NRL: variants seen among roughly 807,000 people sequenced by gnomAD.
The protein encoded by NRL is neural retina leucine zipper, also known as neural retina-specific leucine zipper protein.
A neutral mutation model predicts 12.5 loss-of-function variants in NRL; 16 were observed. The observed-to-expected ratio is 1.28, with a 90% CI of 0.87 to 1.95. The LOEUF (loss-of-function observed/expected upper bound fraction) is 1.95, where lower values mean the gene tolerates loss of function less well. Among genes scored for constraint, NRL ranks in the 30% most tolerant of loss-of-function variants. The probability of loss-of-function intolerance (pLI) is 0.00; values close to 1 mark genes in which losing one functional copy is unlikely to be tolerated. For synonymous variants in NRL, 142 were observed against 150.9 expected, an observed-to-expected ratio of 0.94 and a Z score of 0.43; for missense variants, 314 against 325.8, an observed-to-expected ratio of 0.96 and a Z score of 0.28.
At chr14:24,096,115 T>C (rs2036865789) in intron 1 of NRL, among the ~76,000 whole-genome samples, 1 of 151,586 alleles carries the variant, frequency 6.6e-6, no homozygotes, top group South Asian at 2.1e-4. Context: ...TATAAAAAAC[T>C]ATACTTGAAA....
chr14:24,110,652 T>C (rs2037405247), intron 1 of NRL: 1 of 152,486 alleles, frequency 6.6e-6, no homozygotes. Context: ...CCATAATTTA[T>C]TTAACAATCC....
At chr14:24,098,531 C>G in intron 1 of NRL, 5 of 1,614,168 alleles carry the variant, frequency 3.1e-6, no homozygotes, top group Non-Finnish European at 4.2e-6. Context: ...CCCGCTGTCC[C>G]GCATCGGGGT....
rs371253087 is a variant in NRL at position 24,078,863 on chromosome 14, C to T, written c.*2373G>A. Among the ~76,000 whole-genome samples, 15 of 152,206 alleles carry T rather than the reference C, an allele frequency of 9.9e-5. No homozygotes were observed. Among genetic ancestry groups the T allele is most frequent in the African/African-American group, 2.9e-4 (12 of 41,430 alleles). On this transcript the variant is annotated 3_prime_UTR_variant, in exon 3 of 3. Coordinates refer to ENST00000561028, the MANE Select transcript of NRL (RefSeq NM_001354768.3). Reference sequence around the variant, plus strand: ...CCACCCAGGCTGGAATGCAGTGGCACGATTATGGCTCACTGCATCCCCGAA... The same window carrying T: ...CCACCCAGGCTGGAATGCAGTGGCATGATTATGGCTCACTGCATCCCCGAA...
At chr14:24,095,239 A>G in intron 1 of NRL, 1 of 455,808 alleles carries the variant, frequency 2.2e-6, no homozygotes, top group South Asian at 1.5e-5. Flanking sequence ...CGTCCCACTT[A>G]GAGGGCTGCA....
At chr14:24,098,962 C>T (rs1196380247) in intron 1 of NRL, 1 of 1,048,040 alleles carries the variant, frequency 9.5e-7, no homozygotes, top group Non-Finnish European at 1.4e-6. Context: ...TCCCAAGTGT[C>T]TCTCCTGCCA....
intron 1 of NRL, among the ~76,000 whole-genome samples, chr14:24,086,369 G>T (rs2036466099): frequency 6.6e-6 from 1 of 152,184 alleles, no homozygotes; most frequent in Admixed American, 6.5e-5. Context: ...GGAAAACCTA[G>T]ATCAGATGAC....
Position 24,094,464 on chromosome 14 carries a change from G to T in NRL, c.-27-11589C>A. 6.6e-7 allele frequency: 1 copy of T among 1,511,336 alleles called. No individual in the cohort carries two copies. Among genetic ancestry groups the T allele is most frequent in the Non-Finnish European group, 8.8e-7 (1 of 1,137,056 alleles). The allele number at this position is 1,511,336 out of a possible 1,614,324, so 93.6% of individuals were successfully genotyped here. Reference sequence around the variant, plus strand: ...GTGACCCCCGGCCCGGGGCCCACCCGCACCTTCCGCTGCGCTCGCCCCCTC... The same window carrying T: ...GTGACCCCCGGCCCGGGGCCCACCCTCACCTTCCGCTGCGCTCGCCCCCTC... On this transcript the variant is annotated intron_variant, in intron 1 of 2. Coordinates refer to ENST00000561028, the MANE Select transcript of NRL (RefSeq NM_001354768.3). The surrounding 1 kb of genome is among the most constrained non-coding windows in gnomAD (Gnocchi z 4.1).
rs921440575 is a variant in NRL, at chr14:24,094,326, G to C, written c.-27-11451C>G. The C allele has an allele frequency of 4.9e-5, 69 of 1,395,528 alleles. No homozygotes were observed. The highest frequency in any genetic ancestry group is 2.6e-5 in the East Asian group (1 of 37,856). The allele number at this position is 1,395,528 out of a possible 1,614,324, so 86.4% of individuals were successfully genotyped here. On this transcript the variant is annotated intron_variant, in intron 1 of 2. Transcript: ENST00000561028. The surrounding 1 kb of genome is among the most constrained non-coding windows in gnomAD (Gnocchi z 4.1). ...AGCCTCTGCTGTGGCTCGCTTCGCC[G>C]CGCTCCCTCCTTCCCCGCCTTCCAT...
At chr14:24,108,210 A>G (rs1410966388) in intron 1 of NRL, among the ~76,000 whole-genome samples, 1 of 152,210 alleles carries the variant, frequency 6.6e-6, no homozygotes, top group Non-Finnish European at 1.5e-5. Context: ...TGGCGTTTTA[A>G]GACCACAATC....
At chr14:24,114,276 A>G (rs533290455) in intron 1 of NRL, 1 of 152,412 alleles carries the variant, frequency 6.6e-6, no homozygotes, top group East Asian at 1.9e-4. Context: ...CAGACCGGAT[A>G]AAGGGAGGTC....
rs762062158 is a variant in NRL at position 24,082,550 on chromosome 14, TGCA to T, written c.296_298del (p.Leu99del). On this transcript the variant is annotated inframe_deletion, in exon 2 of 3. Coordinates refer to ENST00000561028, the MANE Select transcript of NRL (RefSeq NM_001354768.3). ...ATCAACAGGGACTGGGCCCTGACCC[TGCA>T]GCAGCTCCATGGCCTCTTCAGGACT... 3 of 1,613,526 alleles carry T rather than the reference TGCA, an allele frequency of 1.9e-6. No individual in the cohort carries two copies. Among genetic ancestry groups the T allele is most frequent in the Non-Finnish European group, 2.5e-6 (3 of 1,180,018 alleles).
intron 1 of NRL, among the ~76,000 whole-genome samples, chr14:24,111,555 C>G (rs965163228): frequency 4.6e-5 from 7 of 150,812 alleles, no homozygotes; most frequent in Non-Finnish European, 5.9e-5. Context: ...TTTTTAGTGA[C>G]GGGGTTTCAC....
At chr14:24,106,429 G>C (rs2037339566) in intron 1 of NRL, among the ~76,000 whole-genome samples, 1 of 152,200 alleles carries the variant, frequency 6.6e-6, no homozygotes, top group Non-Finnish European at 1.5e-5. Context: ...TAGCAGTGGA[G>C]TATATTGTAC....
intron 1 of NRL, chr14:24,097,238 C>A: frequency 9.0e-7 from 1 of 1,107,830 alleles, no homozygotes; most frequent in Non-Finnish European, 1.3e-6. Flanking sequence ...ATGGAATGAA[C>A]AAGAATGAGA....
At chr14:24,089,599 G>A (rs542851119) in intron 1 of NRL, among the ~76,000 whole-genome samples, 4 of 152,212 alleles carry the variant, frequency 2.6e-5, no homozygotes, top group African/African-American at 4.8e-5. Context: ...TACTCCTGCC[G>A]CAGGTCCTAC....
chr14:24,100,508 T>C, intron 1 of NRL: 2 of 818,574 alleles, frequency 2.4e-6, no homozygotes, highest in African/African-American at 1.7e-5. Flanking sequence ...GATTAAATAG[T>C]GCATAAAAAG....
At chr14:24,102,949 A>ACCTC in intron 1 of NRL, 1 of 1,517,956 alleles carries the variant, frequency 6.6e-7, no homozygotes, top group East Asian at 2.3e-5. Flanking sequence ...ATTAGGGCCT[A>ACCTC]CCTCCCTCCC....
chr14:24,093,152 T>C (rs1273386454), intron 1 of NRL: 1 of 152,248 alleles, frequency 6.6e-6, no homozygotes, highest in African/African-American at 2.4e-5. Flanking sequence ...ACTGAGGAGA[T>C]GGTTCCCCAA....
chr14:24,083,435 A>G (rs2036380241), intron 1 of NRL, among the ~76,000 whole-genome samples: 1 of 152,242 alleles, frequency 6.6e-6, no homozygotes, highest in Non-Finnish European at 1.5e-5. Context: ...TAATCAATCA[A>G]TGAATCCCTT....
Sources: allele counts gnomAD v4.1 joint callset (sites outside exome capture counted in the v4.1 genomes callset), GRCh38; gene constraint gnomAD v4.1.1; non-coding constraint Gnocchi (gnomAD v3.1); transcripts MANE v1.5; gene names NCBI Gene and HGNC (gene_info 2026-07-23, HGNC 2026-07-21).